PNOC: variants seen among roughly 807,000 people sequenced by gnomAD.
The protein encoded by PNOC is nociceptin.
In PNOC, 10 loss-of-function variants were observed where a neutral mutation model predicts 15.6. That is an observed-to-expected ratio of 0.64 (90% CI 0.40 to 1.09). PNOC has a LOEUF of 1.09. Ranked by LOEUF, PNOC falls within the 50% of genes least tolerant of loss-of-function variation. The pLI is 0.01. For synonymous variants in PNOC, 98 were observed against 88.5 expected (o/e 1.11, Z -0.60); for missense variants, 220 against 223.9 (o/e 0.98, Z 0.11).
chr8:28,326,983 C>T (rs75834960), intron 1 of PNOC, among the ~76,000 whole-genome samples: 13,294 of 152,258 alleles, frequency 0.087, 646 homozygotes, highest in Middle Eastern at 0.12. Context: ...GTACCAAGAC[C>T]TTCTACAGTT....
intron 2 of PNOC, among the ~76,000 whole-genome samples, chr8:28,336,136 T>C (rs2722935): frequency 0.33 from 49,692 of 152,016 alleles, 9,999 homozygotes; most frequent in Non-Finnish European, 0.46. Flanking sequence ...TTTATACTCT[T>C]AGCTAAATAT....
chr8:28,342,111 G>A (rs1214376829), intron 3 of PNOC, among the ~76,000 whole-genome samples: 31 of 152,252 alleles, frequency 2.0e-4, no homozygotes, highest in African/African-American at 6.3e-4. Flanking sequence ...TTGGGATGCC[G>A]AGGCTGGTGG....
At chr8:28,341,103 C>T (rs992550917) in intron 3 of PNOC, among the ~76,000 whole-genome samples, 1 of 152,224 alleles carries the variant, frequency 6.6e-6, no homozygotes, top group Non-Finnish European at 1.5e-5. Flanking sequence ...TAAGTTGCGT[C>T]CCATGTGTCA....
At chr8:28,321,067 C>A (rs1801144098) in intron 1 of PNOC, among the ~76,000 whole-genome samples, 1 of 152,056 alleles carries the variant, frequency 6.6e-6, no homozygotes, top group Admixed American at 6.6e-5. Context: ...CAGACAGGGT[C>A]TCACTCTGTC....
chr8:28,341,059 G>A (rs1051355017), intron 3 of PNOC, among the ~76,000 whole-genome samples: 2 of 152,222 alleles, frequency 1.3e-5, no homozygotes, highest in African/African-American at 2.4e-5. Context: ...CCCTGAGTCC[G>A]AGCATAAGAG....
At chr8:28,342,860 C>T (rs1801547821) in intron 3 of PNOC, 82 bp from the exon 4 acceptor site, 1 of 484,172 alleles carries the variant, frequency 2.1e-6, no homozygotes, top group Non-Finnish European at 2.7e-6. Flanking sequence ...CTCCCTTTCA[C>T]TGCTTCCGTC....
intron 2 of PNOC, among the ~76,000 whole-genome samples, chr8:28,330,401 T>TTTTATTTTATTTTATTTTATTTTATTTTA (rs1554517541): frequency 1.6e-3 from 65 of 41,660 alleles, no homozygotes; most frequent in African/African-American, 4.9e-3. Context: ...ATTTTATTTT[T>TTTTATTTTATTTTATTTTATTTTATTTTA]TTTTTTTTTT....
rs1369152376 is a variant in PNOC, at chr8:28,327,565, C to CTTT, written c.-23-1568_-23-1566dup. 3.4e-3 allele frequency among the ~76,000 whole-genome samples: 500 copies of CTTT among 145,610 alleles called. 11 individuals are homozygous for CTTT. The highest frequency in any genetic ancestry group is 0.01 in the African/African-American group (421 of 40,766). On this transcript the variant is annotated intron_variant, in intron 1 of 3. Coordinates refer to ENST00000301908, the MANE Select transcript of PNOC (RefSeq NM_006228.5). Reference sequence around the variant, plus strand: ...GGTGGCTTATAAACAACATAAAATTCTTTTCTTTTTTTTTTTTTTGAGATG... The same window carrying CTTT: ...GGTGGCTTATAAACAACATAAAATTCTTTTTTTCTTTTTTTTTTTTTTGAGATG...
chr8:28,333,288 C>A (rs970832140), intron 2 of PNOC, among the ~76,000 whole-genome samples: 2 of 152,154 alleles, frequency 1.3e-5, no homozygotes, highest in African/African-American at 4.8e-5. Context: ...CCCAAAAGGC[C>A]ATTTGTTCAC....
At chr8:28,328,777 T>A (rs189209548) in intron 1 of PNOC, among the ~76,000 whole-genome samples, 18 of 152,216 alleles carry the variant, frequency 1.2e-4, no homozygotes, top group African/African-American at 3.9e-4. Flanking sequence ...TGCAAAGCGA[T>A]GCCTTTAGCT....
At chr8:28,329,013 A>T in intron 1 of PNOC, 122 bp from the exon 2 acceptor site, 2 of 958,694 alleles carry the variant, frequency 2.1e-6, no homozygotes, top group Non-Finnish European at 3.2e-6. Flanking sequence ...ACAGGCCCCT[A>T]GTGCCATCCT....
intron 1 of PNOC, among the ~76,000 whole-genome samples, chr8:28,327,303 A>G (rs1801240326): frequency 6.6e-6 from 1 of 152,256 alleles, no homozygotes; most frequent in South Asian, 2.1e-4. Context: ...AAGGAGAAAC[A>G]GTGAAAACTG....
intron 2 of PNOC, among the ~76,000 whole-genome samples, chr8:28,332,779 T>C (rs1189745700): frequency 2.0e-5 from 3 of 152,122 alleles, no homozygotes; most frequent in African/African-American, 7.2e-5. Context: ...GGCGAAACCC[T>C]GTCTCTACTA....
intron 1 of PNOC, among the ~76,000 whole-genome samples, chr8:28,328,094 G>A (rs1293088233): frequency 8.8e-6 from 1 of 113,558 alleles, no homozygotes; most frequent in Admixed American, 1.3e-4. Context: ...TTGAGACAGA[G>A]TCTCACTCTG....
chr8:28,320,088 C>CTTTTTTTTTTTTT (rs1801122928), intron 1 of PNOC, among the ~76,000 whole-genome samples: 1 of 27,136 alleles, frequency 3.7e-5, no homozygotes, highest in Non-Finnish European at 1.1e-4. Context: ...TTCTTTCTTT[C>CTTTTTTTTTTTTT]TTTCTTTTTT....
intron 3 of PNOC, 73 bp downstream of exon 3, chr8:28,339,564 C>A: frequency 8.2e-7 from 1 of 1,216,206 alleles, no homozygotes; most frequent in Non-Finnish European, 1.1e-6. Flanking sequence ...TGCTCCCAGG[C>A]CTAGAAGCAC....
At chr8:28,337,113 TCTC>T (rs764820027) in intron 2 of PNOC, among the ~76,000 whole-genome samples, 71 of 152,204 alleles carry the variant, frequency 4.7e-4, no homozygotes, top group Non-Finnish European at 7.8e-4. Flanking sequence ...TCCTCTCTCT[TCTC>T]TGCCAGTCGG....
intron 2 of PNOC, among the ~76,000 whole-genome samples, chr8:28,332,831 A>G (rs1474419173): frequency 6.6e-6 from 1 of 152,170 alleles, no homozygotes; most frequent in Non-Finnish European, 1.5e-5. Flanking sequence ...CATGCCTGTA[A>G]TCCCAGCTAC....
rs1413292200 is a variant in PNOC at position 28,339,323 on chromosome 8, G to A, written c.410G>A (p.Arg137Gln). ...QKRFGGFTGARKSARKLANQK... is the reference protein window; with the variant it reads ...QKRFGGFTGAQKSARKLANQK... ...AGATTTGGGGGCTTCACCGGGGCCC[G>A]GAAGTCGGCCAGGAAGTTGGCCAAT... The change falls in exon 3 of 4, where the codon CGG becomes CAG. Residue 137 changes from arginine to glutamine, a missense_variant. Transcript: ENST00000301908. The A allele has an allele frequency of 4.3e-6, 7 of 1,611,878 alleles. No homozygotes were observed. Among genetic ancestry groups the A allele is most frequent in the Non-Finnish European group, 5.9e-6 (7 of 1,178,358 alleles).
Sources: allele counts gnomAD v4.1 joint callset (sites outside exome capture counted in the v4.1 genomes callset), GRCh38; gene constraint gnomAD v4.1.1; transcripts MANE v1.5; gene names NCBI Gene and HGNC (gene_info 2026-07-23, HGNC 2026-07-21).